The following ALK variants were observed in gnomAD, a reference collection of about 807,000 sequenced individuals.
The protein encoded by ALK is ALK tyrosine kinase receptor.
A neutral mutation model predicts 163.1 loss-of-function variants in ALK; 74 were observed. The ratio of observed to expected loss-of-function variants is 0.45; its 90% CI spans 0.38 to 0.55. ALK has a LOEUF of 0.55. Among genes scored for constraint, ALK ranks in the 20% least tolerant of loss-of-function variants. The pLI is 0.00. For synonymous variants in ALK, 960 were observed against 843.2 expected (o/e 1.14, Z -2.40); for missense variants, 2,063 against 2,105.3 (o/e 0.98, Z 0.39).
intron 3 of ALK, among the ~76,000 whole-genome samples, chr2:29,642,762 TATA>T (rs1676741848): frequency 6.6e-6 from 1 of 152,308 alleles, no homozygotes; most frequent in African/African-American, 2.4e-5. Context: ...AAAAACCTGT[TATA>T]ATTTCTTCCA....
chr2:29,897,940 G>T (rs1273763531), intron 1 of ALK, among the ~76,000 whole-genome samples: 1 of 152,128 alleles, frequency 6.6e-6, no homozygotes, highest in Non-Finnish European at 1.5e-5. Flanking sequence ...GGTGGAAAGG[G>T]GAAAGAGAAG....
chr2:29,278,965 G>A (rs1259270230), intron 9 of ALK, among the ~76,000 whole-genome samples: 1 of 111,050 alleles, frequency 9.0e-6, no homozygotes, highest in Non-Finnish European at 1.9e-5. Flanking sequence ...GCGAGTAAAT[G>A]ACATGTGTGT....
At chr2:29,210,315 G>A (rs1040259968) in intron 24 of ALK, among the ~76,000 whole-genome samples, 9 of 152,200 alleles carry the variant, frequency 5.9e-5, no homozygotes, top group African/African-American at 2.2e-4. Context: ...TCTGGCCTTA[G>A]GCAGATTTGG....
chr2:29,899,989 G>A (rs578258362), intron 1 of ALK, among the ~76,000 whole-genome samples: 3 of 152,296 alleles, frequency 2.0e-5, no homozygotes, highest in South Asian at 2.1e-4. Context: ...TGGCTGCTTC[G>A]TGGGCTTCAT....
intron 5 of ALK, among the ~76,000 whole-genome samples, chr2:29,355,983 A>G (rs1378323632): frequency 6.6e-6 from 1 of 152,140 alleles, no homozygotes; most frequent in Non-Finnish European, 1.5e-5. Context: ...TCTTATAATC[A>G]GCCATCATGG....
Position 29,753,127 on chromosome 2 carries a change from G to A in ALK, c.668-35430C>T, listed in dbSNP as rs558461978. The stretch of plus-strand genomic sequence containing the variant: ...ACACAGAAGGAGAAGAAAATAGGTG[G>A]GGAACTTCAGAATGTGCCATAAGAT... On this transcript the variant is annotated intron_variant, in intron 1 of 28. Transcript: ENST00000389048. Among the ~76,000 whole-genome samples the A allele has an allele frequency of 5.9e-5, 9 of 152,254 alleles. No homozygotes were observed. In the South Asian group the frequency reaches 1.9e-3, roughly 32 times the overall value.
At chr2:29,364,576 T>C (rs1198152055) in intron 5 of ALK, among the ~76,000 whole-genome samples, 1 of 152,152 alleles carries the variant, frequency 6.6e-6, no homozygotes, top group East Asian at 1.9e-4. Context: ...TCAAGAAAAC[T>C]GAAGCCCAGT....
chr2:29,542,567 T>G (rs899338978), intron 3 of ALK, among the ~76,000 whole-genome samples: 1 of 152,258 alleles, frequency 6.6e-6, no homozygotes, highest in African/African-American at 2.4e-5. Flanking sequence ...TTAGAAACTT[T>G]GCCTCAAAAA....
At chr2:29,739,146 G>C (rs1413870296) in intron 1 of ALK, among the ~76,000 whole-genome samples, 3 of 148,624 alleles carry the variant, frequency 2.0e-5, no homozygotes, top group Non-Finnish European at 4.4e-5. Flanking sequence ...GCCTGAAGCA[G>C]GGAGATCACT....
chr2:29,916,333 G>A (rs1248127434), intron 1 of ALK, among the ~76,000 whole-genome samples: 1 of 152,240 alleles, frequency 6.6e-6, no homozygotes, highest in African/African-American at 2.4e-5. Context: ...TCTCTTCAGA[G>A]ATTTGTAGAT....
At chr2:29,265,887 C>T (rs1276220171) in intron 11 of ALK, among the ~76,000 whole-genome samples, 2 of 152,112 alleles carry the variant, frequency 1.3e-5, no homozygotes, top group Non-Finnish European at 2.9e-5. Flanking sequence ...ACTTGGGAGG[C>T]TGAGGCAGAA....
At chr2:29,614,553 C>G (rs1390694549) in intron 3 of ALK, among the ~76,000 whole-genome samples, 1 of 152,234 alleles carries the variant, frequency 6.6e-6, no homozygotes, top group Non-Finnish European at 1.5e-5. Flanking sequence ...AGAATTCTGT[C>G]TGTGACCAAA....
chr2:29,609,097 T>A (rs1288751786), intron 3 of ALK, among the ~76,000 whole-genome samples: 2 of 152,124 alleles, frequency 1.3e-5, no homozygotes, highest in Non-Finnish European at 2.9e-5. Flanking sequence ...CTAAGTTTTG[T>A]ATTTTTAGTA....
intron 1 of ALK, among the ~76,000 whole-genome samples, chr2:29,912,048 T>A (rs1051549154): frequency 2.6e-5 from 4 of 152,076 alleles, no homozygotes; most frequent in East Asian, 1.9e-4. Flanking sequence ...TGAGGATAGG[T>A]CAATAGAAAT....
chr2:29,691,338 GTGGT>G (rs1398114419), intron 3 of ALK, among the ~76,000 whole-genome samples: 1 of 152,198 alleles, frequency 6.6e-6, no homozygotes, highest in Admixed American at 6.5e-5. Flanking sequence ...GTTTCTGACA[GTGGT>G]GAGCCTCTCT....
intron 1 of ALK, among the ~76,000 whole-genome samples, chr2:29,853,317 CCA>C (rs1184905316): frequency 6.6e-6 from 1 of 152,180 alleles, no homozygotes; most frequent in African/African-American, 2.4e-5. Flanking sequence ...TCTCCCCACA[CCA>C]GTCTTACCCA....
At chr2:29,559,768 C>CAT (rs144162562) in intron 3 of ALK, among the ~76,000 whole-genome samples, 4 of 143,030 alleles carry the variant, frequency 2.8e-5, no homozygotes, top group Non-Finnish European at 4.6e-5. Flanking sequence ...GGAGCATGTA[C>CAT]GTGTGTGTGT....
At chr2:29,779,441 C>T (rs778146672) in intron 1 of ALK, among the ~76,000 whole-genome samples, 4 of 152,092 alleles carry the variant, frequency 2.6e-5, no homozygotes, top group Non-Finnish European at 4.4e-5. Context: ...TCAAATACCT[C>T]GAGGGGGCTT....
At chr2:29,194,486 GT>G (rs1668974327) in intron 28 of ALK, among the ~76,000 whole-genome samples, 1 of 151,998 alleles carries the variant, frequency 6.6e-6, no homozygotes, top group South Asian at 2.1e-4. Flanking sequence ...ACATGTGCAG[GT>G]ACCACAGTGC....
Sources: gnomAD v4.1 joint callset for allele counts (sites outside exome capture counted in the v4.1 genomes callset) on GRCh38, gnomAD v4.1.1 for gene constraint, MANE v1.5 for transcripts, NCBI Gene and HGNC (gene_info 2026-07-23, HGNC 2026-07-21) for gene names.